RER1: variants seen among roughly 807,000 people sequenced by gnomAD.
The protein encoded by RER1 is retention in endoplasmic reticulum sorting receptor 1.
Under a neutral mutation model 28.3 loss-of-function variants are expected in RER1, and 6 were observed. The observed-to-expected ratio is 0.21, with a 90% confidence interval of 0.12 to 0.42. RER1 has a LOEUF of 0.42. Ranked by LOEUF, RER1 falls within the 10% of genes least tolerant of loss-of-function variation. RER1 has a pLI of 1.00. For missense variants in RER1, 159 were observed against 252.9 expected, an observed-to-expected ratio of 0.63 and a Z score of 2.52; for synonymous variants, 110 against 95.9, an observed-to-expected ratio of 1.15 and a Z score of -0.86.
At chr1:2,392,657 C>T (rs1248489780) in intron 1 of RER1, among the ~76,000 whole-genome samples, 1 of 152,158 alleles carries the variant, frequency 6.6e-6, no homozygotes, top group Non-Finnish European at 1.5e-5. Flanking sequence ...GGCCGCTAGT[C>T]CTGGAAGCAC....
At position 2,403,820 on chromosome 1, in the gene RER1, T is replaced by C. The variant is rs566350067; in HGVS notation, c.*696T>C. 2 of 152,718 alleles carry C rather than the reference T, an allele frequency of 1.3e-5. No homozygotes were observed. Among genetic ancestry groups the C allele is most frequent in the African/African-American group, 4.8e-5 (2 of 41,582 alleles). 9.5% of individuals were successfully genotyped at this position (152,718 alleles called of 1,614,324 possible). On this transcript the variant is annotated 3_prime_UTR_variant, in exon 7 of 7. Transcript: ENST00000605895. ...TTTTGTTTTTAATTTAAATCTGTCC[T>C]CATGCAACCCTCCATGAGGGGCAGC...
intron 1 of RER1, 43 bp from the exon 2 acceptor site, chr1:2,395,741 G>A (rs775544634): frequency 2.1e-5 from 29 of 1,408,100 alleles, no homozygotes; most frequent in Non-Finnish European, 2.8e-5. Flanking sequence ...TTTCACACCC[G>A]TGAATGCTTT....
At chr1:2,393,832 C>T (rs116153956) in intron 1 of RER1, among the ~76,000 whole-genome samples, 6 of 152,246 alleles carry the variant, frequency 3.9e-5, no homozygotes, top group South Asian at 2.1e-4. Context: ...GTTTGGTATA[C>T]GTGTTGTGTG....
intron 5 of RER1, among the ~76,000 whole-genome samples, 166 bp downstream of exon 5, chr1:2,401,101 A>AT (rs1234688160): frequency 3.3e-5 from 5 of 152,108 alleles, no homozygotes; most frequent in Admixed American, 6.5e-5. Context: ...ACCTTGCCGC[A>AT]TTCTCTTGGT....
intron 5 of RER1, among the ~76,000 whole-genome samples, chr1:2,401,187 G>T (rs1642840530): frequency 6.7e-6 from 1 of 149,084 alleles, no homozygotes; most frequent in African/African-American, 2.5e-5. Context: ...GTGGCCTGGG[G>T]AGGGCAGGCC....
At chr1:2,395,992 A>G in intron 2 of RER1, 121 bp downstream of exon 2, 2 of 775,570 alleles carry the variant, frequency 2.6e-6, no homozygotes, top group Non-Finnish European at 4.5e-6. Flanking sequence ...CCTCAGGCTC[A>G]AACTTCCTGA....
intron 1 of RER1, chr1:2,394,722 A>T (rs1256283641): frequency 2.6e-5 from 4 of 152,216 alleles, no homozygotes. Context: ...ACAGCCGCTT[A>T]GCACAGGTGG....
chr1:2,402,460 G>T lies in RER1; in HGVS notation c.501+118G>T. The stretch of plus-strand genomic sequence containing the variant: ...GCAGAGTCTGCCTGGTGTGAATGTG[G>T]AGCTAAGTGGCACCGTCTTGTGTGT... On this transcript the variant is annotated intron_variant, in intron 6 of 6. Coordinates refer to ENST00000605895, the MANE Select transcript of RER1 (RefSeq NM_007033.5). The T allele has an allele frequency of 3.8e-6, 5 of 1,324,666 alleles. No individual in the cohort carries two copies. In the South Asian group the frequency reaches 5.2e-5, roughly 14 times the overall value. The allele number at this position is 1,324,666 out of a possible 1,614,324, so 82.1% of individuals were successfully genotyped here.
chr1:2,395,868 A>G lies in RER1; in HGVS notation c.78A>G (p.Gly26=). 6.2e-7 allele frequency: 1 copy of G among 1,612,978 alleles called. No homozygotes were observed. Among genetic ancestry groups the G allele is most frequent in the Non-Finnish European group, 8.5e-7 (1 of 1,178,876 alleles). ...TGTACAGATTTTTCACAAGACTTGG[A>G]CAGGTTGGTGGGTTTTTTAGTAGAT... ...SVVYRFFTRL[G]QIYQSWLDKS... Residue 26 remains glycine, a synonymous_variant, in exon 2 of 7, where the codon GGA becomes GGG. Transcript: ENST00000605895.
chr1:2,393,939 C>T (rs1642730913), intron 1 of RER1: 1 of 152,164 alleles, frequency 6.6e-6, no homozygotes, highest in South Asian at 2.1e-4. Flanking sequence ...AGAGAACACC[C>T]TTTGGCGGGA....
At chr1:2,401,070 C>G (rs935602986) in intron 5 of RER1, 135 bp downstream of exon 5, 1 of 738,462 alleles carries the variant, frequency 1.4e-6, no homozygotes, top group East Asian at 2.7e-5. Context: ...CGCAGGGGCT[C>G]TCTGTAGAAG....
At chr1:2,398,027 T>C (rs1384096259) in intron 3 of RER1, among the ~76,000 whole-genome samples, 3 of 152,228 alleles carry the variant, frequency 2.0e-5, no homozygotes, top group Admixed American at 1.3e-4. Context: ...GTCCATTCTC[T>C]GATGGAAAGA....
chr1:2,405,285 G>A lies in RER1; in HGVS notation c.*2161G>A, dbSNP rs1642961563. On this transcript the variant is annotated 3_prime_UTR_variant, in exon 7 of 7. Transcript: ENST00000605895. Reference sequence around the variant, plus strand: ...GCAGCGCCGCCTCCCATGGGGCCGTGGGGCTGCTGTTCTCACTGCACTGGC... The same window carrying A: ...GCAGCGCCGCCTCCCATGGGGCCGTAGGGCTGCTGTTCTCACTGCACTGGC... 3.4e-6 allele frequency: 1 copy of A among 292,180 alleles called. No homozygotes were observed. Among genetic ancestry groups the A allele is most frequent in the African/African-American group, 2.2e-5 (1 of 45,180 alleles). 18.1% of individuals were successfully genotyped at this position (292,180 alleles called of 1,614,324 possible). A position where few individuals can be genotyped will look rare whatever the true frequency, so the allele number is the denominator to read the frequency against.
At chr1:2,394,218 C>T (rs1267331523) in intron 1 of RER1, 8 of 152,156 alleles carry the variant, frequency 5.3e-5, no homozygotes, top group African/African-American at 9.7e-5. Context: ...CACGGCTCCG[C>T]GAGACCAAAG....
intron 1 of RER1, among the ~76,000 whole-genome samples, chr1:2,392,884 A>G (rs1271705290): frequency 6.6e-6 from 1 of 152,158 alleles, no homozygotes; most frequent in Non-Finnish European, 1.5e-5. Flanking sequence ...GGGAAGGAGG[A>G]AGAGACGGGG....
intron 5 of RER1, 180 bp from the exon 6 acceptor site, chr1:2,402,027 A>G: frequency 6.5e-7 from 1 of 1,541,846 alleles, no homozygotes; most frequent in Non-Finnish European, 8.8e-7. Context: ...TTAGGGCAGT[A>G]CATGTCTGTG....
At position 2,391,891 on chromosome 1, in the gene RER1, C is replaced by A. The variant is rs368031199; in HGVS notation, c.-75C>A. 5 of 232,658 alleles carry A rather than the reference C, an allele frequency of 2.1e-5. No individual in the cohort carries two copies. In the East Asian group the frequency reaches 3.3e-4, roughly 15 times the overall value. 14.4% of individuals were successfully genotyped at this position (232,658 alleles called of 1,614,324 possible). On this transcript the variant is annotated 5_prime_UTR_variant, in exon 1 of 7. Transcript: ENST00000605895. Reference sequence around the variant, plus strand: ...CCGGAGCGCAGCGCCTGCGGCCGCCCGTGCCCCGCCGTCCTCCTTCCCGCG... The same window carrying A: ...CCGGAGCGCAGCGCCTGCGGCCGCCAGTGCCCCGCCGTCCTCCTTCCCGCG...
chr1:2,395,701 T>G lies in RER1; in HGVS notation c.-7-83T>G. ...AATACTGAATGTGGAAGAAACCTAC[T>G]TGACAGTGTTGGTGAAAATAGGGCC... On this transcript the variant is annotated intron_variant, in intron 1 of 6. Coordinates refer to ENST00000605895, the MANE Select transcript of RER1 (RefSeq NM_007033.5). The G allele has an allele frequency of 3.2e-6, 3 of 928,328 alleles. No individual in the cohort carries two copies. In the South Asian group the frequency reaches 4.0e-5, roughly 12 times the overall value. 57.5% of individuals were successfully genotyped at this position (928,328 alleles called of 1,614,324 possible).
At chr1:2,402,859 CGTG>C (rs990274128) in intron 6 of RER1, among the ~76,000 whole-genome samples, 173 bp from the exon 7 acceptor site, 1 of 152,134 alleles carries the variant, frequency 6.6e-6, no homozygotes, top group African/African-American at 2.4e-5. Context: ...ACCTAGGCCT[CGTG>C]GGCTGTGGAA....
Sources: allele counts gnomAD v4.1 joint callset (sites outside exome capture counted in the v4.1 genomes callset), GRCh38; gene constraint gnomAD v4.1.1; transcripts MANE v1.5; gene names NCBI Gene and HGNC (gene_info 2026-07-23, HGNC 2026-07-21).